Variants in CDH18 observed in about 807,000 individuals in gnomAD.
CDH18 encodes the protein cadherin 18, also known as cadherin-18.
CDH18 carries 31 observed loss-of-function variants against 67.9 expected under a neutral mutation model. The observed-to-expected ratio is 0.46, with a 90% CI of 0.34 to 0.62. The LOEUF (loss-of-function observed/expected upper bound fraction) is 0.62. Ranked by LOEUF, CDH18 falls within the 20% of genes least tolerant of loss-of-function variation. CDH18 has a pLI of 0.01. For missense variants in CDH18, 890 were observed against 975.5 expected, an observed-to-expected ratio of 0.91 and a Z score of 1.17; for synonymous variants, 362 against 347.2, an observed-to-expected ratio of 1.04 and a Z score of -0.48.
chr5:19,511,864 AT>A (rs1436986382), intron 10 of CDH18, among the ~76,000 whole-genome samples: 7 of 152,174 alleles, frequency 4.6e-5, no homozygotes, highest in African/African-American at 1.4e-4. Context: ...CTGAGGAGAA[AT>A]TCAAGTTGTG....
chr5:20,367,678 G>A (rs192779840), intron 1 of CDH18, among the ~76,000 whole-genome samples: 105 of 152,252 alleles, frequency 6.9e-4, no homozygotes, highest in African/African-American at 2.4e-3. Flanking sequence ...AATGCAAAGG[G>A]AAGTAAAAAC....
chr5:20,270,742 A>G (rs901936000), intron 1 of CDH18, among the ~76,000 whole-genome samples: 4 of 152,182 alleles, frequency 2.6e-5, no homozygotes, highest in African/African-American at 7.2e-5. Flanking sequence ...CTAAATGCCC[A>G]TCAGTGGTAG....
chr5:19,777,100 T>C (rs1774478369), intron 3 of CDH18, among the ~76,000 whole-genome samples: 1 of 152,016 alleles, frequency 6.6e-6, no homozygotes, highest in Non-Finnish European at 1.5e-5. Context: ...TCCAACATGG[T>C]AAAACCCTGT....
In CDH18 at chr5:19,471,961, G is replaced by T. The variant is rs113727102; in HGVS notation, c.*1265C>A. ...TTAATCCTCACAACAACCCTGTGAG[G>T]TGGGCAGGGAAGTCATTGCCATCTC... is the stretch of plus-strand genomic sequence containing the variant. On this transcript the variant is annotated 3_prime_UTR_variant, in exon 13 of 13. Transcript: ENST00000382275. 6.5e-4 allele frequency among the ~76,000 whole-genome samples: 99 copies of T among 152,282 alleles called. No individual in the cohort carries two copies. The highest frequency in any genetic ancestry group is 2.2e-3 in the African/African-American group (92 of 41,576).
intron 2 of CDH18, among the ~76,000 whole-genome samples, chr5:20,206,870 T>G (rs1268387031): frequency 6.6e-6 from 1 of 151,992 alleles, no homozygotes; most frequent in Non-Finnish European, 1.5e-5. Flanking sequence ...AGGTCATATA[T>G]GAGAACCCCA....
rs1057224427 is a variant in CDH18, at chr5:19,501,644, A to G, written c.1630+1348T>C. 4.6e-5 allele frequency among the ~76,000 whole-genome samples: 7 copies of G among 152,098 alleles called. 1 individual carries two copies. The highest frequency in any genetic ancestry group is 3.3e-4 in the Admixed American group (5 of 15,274). The stretch of plus-strand genomic sequence containing the variant: ...GAACACATCTTCAAATCGAAGTCAA[A>G]TTTTCATTGTAATGTTATCAAATTT... On this transcript the variant is annotated intron_variant, in intron 11 of 12. Coordinates refer to ENST00000382275, the MANE Select transcript of CDH18 (RefSeq NM_004934.5).
chr5:19,816,801 C>T (rs1779334970), intron 3 of CDH18, among the ~76,000 whole-genome samples: 1 of 151,766 alleles, frequency 6.6e-6, no homozygotes, highest in South Asian at 2.1e-4. Context: ...CTGCTATTAA[C>T]TCTGAAAACC....
At chr5:19,495,622 C>T (rs1742167034) in intron 11 of CDH18, among the ~76,000 whole-genome samples, 1 of 150,010 alleles carries the variant, frequency 6.7e-6, no homozygotes, top group Admixed American at 6.7e-5. Flanking sequence ...TGCCTGTAAT[C>T]CCAGCTACTC....
At chr5:20,411,993 A>C (rs1333652875) in intron 1 of CDH18, among the ~76,000 whole-genome samples, 5 of 152,216 alleles carry the variant, frequency 3.3e-5, no homozygotes. Flanking sequence ...AATTTCTATC[A>C]AATTATCAAC....
chr5:19,839,629 T>C (rs555794402), intron 2 of CDH18, among the ~76,000 whole-genome samples: 25 of 151,770 alleles, frequency 1.6e-4, no homozygotes, highest in Non-Finnish European at 3.4e-4. Flanking sequence ...GTAAGTAAAG[T>C]GGAAGAAAAT....
intron 1 of CDH18, among the ~76,000 whole-genome samples, chr5:20,335,667 C>T (rs931506977): frequency 5.3e-5 from 8 of 152,150 alleles, no homozygotes; most frequent in African/African-American, 1.9e-4. Flanking sequence ...AGTCTTATCA[C>T]TTAAATGGAT....
chr5:19,964,666 A>G (rs1561644556), intron 2 of CDH18, among the ~76,000 whole-genome samples: 1 of 151,522 alleles, frequency 6.6e-6, no homozygotes, highest in Non-Finnish European at 1.5e-5. Flanking sequence ...AAAAAAGAAA[A>G]AAAAAGAAAG....
At chr5:19,937,983 T>C (rs1439588436) in intron 2 of CDH18, among the ~76,000 whole-genome samples, 1 of 146,904 alleles carries the variant, frequency 6.8e-6, no homozygotes, top group Non-Finnish European at 1.5e-5. Flanking sequence ...ATAGTGTATA[T>C]AAATAGCAAA....
chr5:20,511,231 C>G (rs547516512), intron 1 of CDH18, among the ~76,000 whole-genome samples: 1 of 152,086 alleles, frequency 6.6e-6, no homozygotes, highest in Non-Finnish European at 1.5e-5. Context: ...TATATTACAA[C>G]GAAGTGTCAG....
At chr5:19,966,007 T>C (rs1167108007) in intron 2 of CDH18, among the ~76,000 whole-genome samples, 1 of 152,170 alleles carries the variant, frequency 6.6e-6, no homozygotes, top group African/African-American at 2.4e-5. Flanking sequence ...GTATGTGGCT[T>C]TCATAAAAAA....
intron 5 of CDH18, among the ~76,000 whole-genome samples, chr5:19,682,290 T>A (rs149634869): frequency 6.6e-6 from 1 of 152,214 alleles, no homozygotes; most frequent in Non-Finnish European, 1.5e-5. Context: ...TCATTTATCA[T>A]CTTGACTGCA....
intron 1 of CDH18, among the ~76,000 whole-genome samples, chr5:20,437,900 A>G (rs1466530429): frequency 6.6e-6 from 1 of 151,430 alleles, no homozygotes; most frequent in Non-Finnish European, 1.5e-5. Flanking sequence ...TTCACATTCT[A>G]TTACCATTTC....
At chr5:19,645,664 T>C (rs972737363) in intron 5 of CDH18, among the ~76,000 whole-genome samples, 3 of 152,186 alleles carry the variant, frequency 2.0e-5, no homozygotes, top group Admixed American at 6.5e-5. Flanking sequence ...CATTTCATTC[T>C]GGAATCAGTG....
chr5:20,534,320 T>G (rs1024853508), intron 1 of CDH18, among the ~76,000 whole-genome samples: 2 of 152,104 alleles, frequency 1.3e-5, no homozygotes, highest in Non-Finnish European at 2.9e-5. Context: ...ATTATTTGAT[T>G]AAATATAGCT....
Sources: allele counts gnomAD v4.1 joint callset (sites outside exome capture counted in the v4.1 genomes callset), GRCh38; gene constraint gnomAD v4.1.1; transcripts MANE v1.5; gene names NCBI Gene and HGNC (gene_info 2026-07-23, HGNC 2026-07-21).